TIMM17A: variants seen among roughly 807,000 people sequenced by gnomAD.
TIMM17A encodes mitochondrial import inner membrane translocase subunit Tim17-A.
Under a neutral mutation model 26.5 loss-of-function variants are expected in TIMM17A, and 15 were observed. The observed-to-expected ratio is 0.57, with a 90% confidence interval of 0.38 to 0.87. The LOEUF (loss-of-function observed/expected upper bound fraction) is 0.87, where lower values mean the gene tolerates loss of function less well. Ranked by LOEUF, TIMM17A falls within the 40% of genes least tolerant of loss-of-function variation. TIMM17A has a pLI of 0.00. For missense variants in TIMM17A, 201 were observed against 210.0 expected (o/e 0.96, Z 0.27); for synonymous variants, 80 against 70.8 (o/e 1.13, Z -0.66).
chr1:201,968,809 C>T (rs1682682521), intron 5 of TIMM17A, among the ~76,000 whole-genome samples: 1 of 151,988 alleles, frequency 6.6e-6, no homozygotes, highest in Admixed American at 6.6e-5. Flanking sequence ...CTCTTTCTCT[C>T]TTCCTTCCAG....
chr1:201,966,900 TTA>T (rs1283693343), intron 5 of TIMM17A, among the ~76,000 whole-genome samples: 2 of 147,248 alleles, frequency 1.4e-5, no homozygotes, highest in African/African-American at 2.5e-5. Flanking sequence ...ATGTTATATA[TTA>T]TATATGTTAT....
At chr1:201,963,234 C>G (rs571132213) in intron 3 of TIMM17A, 4 of 175,592 alleles carry the variant, frequency 2.3e-5, no homozygotes, top group Non-Finnish European at 4.8e-5. Flanking sequence ...CGCCACCACA[C>G]CCGGCTAATT....
At chr1:201,966,543 A>G (rs7537116) in intron 5 of TIMM17A, among the ~76,000 whole-genome samples, 3,086 of 152,014 alleles carry the variant, frequency 0.02, 112 homozygotes, top group African/African-American at 0.07. Context: ...GGAAGGATGC[A>G]AAAAGATATT....
At chr1:201,968,784 A>T (rs1682681706) in intron 5 of TIMM17A, among the ~76,000 whole-genome samples, 1 of 152,140 alleles carries the variant, frequency 6.6e-6, no homozygotes, top group African/African-American at 2.4e-5. Flanking sequence ...AACTTCAGAG[A>T]ATTCTGCCAC....
chr1:201,962,120 A>G (rs1394481478), intron 3 of TIMM17A: 2 of 152,132 alleles, frequency 1.3e-5, no homozygotes, highest in Admixed American at 6.6e-5. Context: ...TCTCAGGGGA[A>G]GGGTCTCCTG....
chr1:201,965,363 CTTCTT>C, intron 4 of TIMM17A, 65 bp from the exon 5 acceptor site: 1 of 1,122,232 alleles, frequency 8.9e-7, no homozygotes, highest in African/African-American at 1.5e-5. Context: ...GGACAGTTCT[CTTCTT>C]TACTATCTCT....
chr1:201,962,662 A>C (rs1682554702), intron 3 of TIMM17A: 1 of 152,168 alleles, frequency 6.6e-6, no homozygotes, highest in African/African-American at 2.4e-5. Context: ...TTTTGTATTT[A>C]GATAGAGTTT....
At chr1:201,961,763 A>G (rs931518105) in intron 3 of TIMM17A, among the ~76,000 whole-genome samples, 2 of 152,068 alleles carry the variant, frequency 1.3e-5, no homozygotes, top group Non-Finnish European at 2.9e-5. Context: ...TGAAAATCAC[A>G]AGTTTATATT....
At chr1:201,959,999 A>AAAATAAAT (rs59830417) in intron 3 of TIMM17A, among the ~76,000 whole-genome samples, 94 of 150,192 alleles carry the variant, frequency 6.3e-4, no homozygotes, top group Admixed American at 1.2e-3. Flanking sequence ...ACTCTGTCTC[A>AAAATAAAT]AAATAAATAA....
At chr1:201,963,815 G>C (rs2102944369) in intron 4 of TIMM17A, 71 bp downstream of exon 4, 2 of 1,485,314 alleles carry the variant, frequency 1.3e-6, no homozygotes, top group South Asian at 2.7e-5. Context: ...TCAATTGAAT[G>C]ACATCTGTAA....
At chr1:201,964,975 G>A (rs767708320) in intron 4 of TIMM17A, among the ~76,000 whole-genome samples, 44 of 133,284 alleles carry the variant, frequency 3.3e-4, no homozygotes, top group East Asian at 1.6e-3. Flanking sequence ...TTCTTGAGAC[G>A]GAGTCTTACT....
At chr1:201,969,363 A>T in intron 5 of TIMM17A, 106 bp from the exon 6 acceptor site, 1 of 876,570 alleles carries the variant, frequency 1.1e-6, no homozygotes. Context: ...GCTTTAATTT[A>T]GCACATTTTT....
rs1320288226 is a variant in TIMM17A at position 201,963,691 on chromosome 1, C to G, written c.266C>G (p.Pro89Arg). The G allele has an allele frequency of 6.2e-7, 1 of 1,611,492 alleles. No individual in the cohort carries two copies. Among genetic ancestry groups the G allele is most frequent in the African/African-American group, 1.3e-5 (1 of 74,710 alleles). ...GTTCAAGTCAGAGGAAAGGAAGATC[C>G]CTGGAACTCCATCACAAGTGGTGCC... ...SMVQVRGKED[P>R]WNSITSGALT... The change falls in exon 4 of 6, where the codon CCC becomes CGC. Residue 89 changes from proline (P) to arginine (R), a missense_variant. Pro to Arg is a moderately radical substitution (Grantham distance 103, BLOSUM62 -2). Transcript: ENST00000367287.
In TIMM17A at chr1:201,964,635, C is replaced by CTTTTT. The variant is rs570309464; in HGVS notation, c.320-771_320-767dup. 1.8e-3 allele frequency among the ~76,000 whole-genome samples: 160 copies of CTTTTT among 90,924 alleles called. 18 individuals carry two copies. The highest frequency in any genetic ancestry group is 4.5e-3 in the African/African-American group (87 of 19,452). The allele number at this position is 90,924 out of a possible 152,430, so 59.6% of individuals were successfully genotyped here. On this transcript the variant is annotated intron_variant, in intron 4 of 5. Coordinates refer to ENST00000367287, the MANE Select transcript of TIMM17A (RefSeq NM_006335.3). Reference sequence around the variant, plus strand: ...TTTATTTATTTATTTTATTTTATTTCTTTTTTTTTTTTTTTTTTTTTTTTT... The same window carrying CTTTTT: ...TTTATTTATTTATTTTATTTTATTTCTTTTTTTTTTTTTTTTTTTTTTTTTTTTTT...
At chr1:201,966,541 GC>G (rs1682628627) in intron 5 of TIMM17A, among the ~76,000 whole-genome samples, 1 of 151,604 alleles carries the variant, frequency 6.6e-6, no homozygotes, top group Non-Finnish European at 1.5e-5. Context: ...ATGGAAGGAT[GC>G]AAAAAGATAT....
chr1:201,956,955 CA>C (rs769517453), intron 1 of TIMM17A, among the ~76,000 whole-genome samples: 3,333 of 61,606 alleles, frequency 0.054, 102 homozygotes, highest in African/African-American at 0.16. Flanking sequence ...GACTCCATCT[CA>C]AAAAAAAAAA....
intron 4 of TIMM17A, among the ~76,000 whole-genome samples, chr1:201,964,635 C>CTTTTTTTTTTTTATTTTTTT (rs1682591187): frequency 1.1e-5 from 1 of 90,954 alleles, no homozygotes; most frequent in African/African-American, 5.1e-5. Context: ...TATTTTATTT[C>CTTTTTTTTTTTTATTTTTTT]TTTTTTTTTT....
In TIMM17A at chr1:201,970,088, G is replaced by T. The variant is rs2102947925; in HGVS notation, c.*534G>T. The T allele has an allele frequency of 6.6e-6, 1 of 152,434 alleles. No homozygotes were observed. The highest frequency in any genetic ancestry group is 2.1e-4 in the South Asian group (1 of 4,826). 9.4% of individuals were successfully genotyped at this position (152,434 alleles called of 1,614,324 possible). On this transcript the variant is annotated 3_prime_UTR_variant, in exon 6 of 6. Transcript: ENST00000367287. Reference sequence around the variant, plus strand: ...ATCATTTCACAGTGAGATGCTTTATGGATTGAAGGATATGGTAAAATGTTT... The same window carrying T: ...ATCATTTCACAGTGAGATGCTTTATTGATTGAAGGATATGGTAAAATGTTT...
intron 5 of TIMM17A, among the ~76,000 whole-genome samples, chr1:201,968,664 G>A (rs531961001): frequency 6.6e-6 from 1 of 152,096 alleles, no homozygotes; most frequent in South Asian, 2.1e-4. Flanking sequence ...GAGAGCCACC[G>A]CACCCGGCCC....
Sources: allele counts gnomAD v4.1 joint callset (sites outside exome capture counted in the v4.1 genomes callset), GRCh38; gene constraint gnomAD v4.1.1; transcripts MANE v1.5; gene names NCBI Gene and HGNC (gene_info 2026-07-23, HGNC 2026-07-21).